Variants in AGBL4 observed in about 807,000 individuals in gnomAD.
The protein encoded by AGBL4 is AGBL carboxypeptidase 4.
A neutral mutation model predicts 66.4 loss-of-function variants in AGBL4; 58 were observed. The observed-to-expected ratio is 0.87, with a 90% CI of 0.71 to 1.09. AGBL4 has a LOEUF of 1.09. AGBL4 is among the 50% of genes least tolerant of loss of function. The pLI is 0.00. For missense variants in AGBL4, 579 were observed against 631.0 expected, an observed-to-expected ratio of 0.92 and a Z score of 0.88; for synonymous variants, 234 against 222.9, an observed-to-expected ratio of 1.05 and a Z score of -0.44.
At chr1:48,781,694 C>G (rs1645296251) in intron 6 of AGBL4, among the ~76,000 whole-genome samples, 1 of 152,132 alleles carries the variant, frequency 6.6e-6, no homozygotes, top group African/African-American at 2.4e-5. Context: ...TATACATTAC[C>G]AAGTGTTAGA....
At chr1:48,718,163 A>G (rs1647083325) in intron 6 of AGBL4, among the ~76,000 whole-genome samples, 1 of 152,214 alleles carries the variant, frequency 6.6e-6, no homozygotes. Flanking sequence ...CTTCCCTCCA[A>G]ATCTGGCCAT....
intron 9 of AGBL4, among the ~76,000 whole-genome samples, chr1:48,622,728 C>T (rs1645436763): frequency 1.3e-5 from 2 of 152,112 alleles, no homozygotes; most frequent in South Asian, 4.2e-4. Flanking sequence ...TGGTGATCCA[C>T]CCGCCTTGGC....
chr1:49,399,107 C>A (rs946533174), intron 3 of AGBL4, among the ~76,000 whole-genome samples: 1 of 152,136 alleles, frequency 6.6e-6, no homozygotes, highest in African/African-American at 2.4e-5. Context: ...GTTTGTCTTT[C>A]TGTGCCTGGC....
chr1:49,989,057 G>A (rs916355085), intron 1 of AGBL4, among the ~76,000 whole-genome samples: 7 of 152,174 alleles, frequency 4.6e-5, no homozygotes, highest in African/African-American at 1.7e-4. Flanking sequence ...ATGAGACTCA[G>A]TGAAGTTAGC....
At chr1:49,742,697 A>C (rs1214243043) in intron 2 of AGBL4, among the ~76,000 whole-genome samples, 6 of 152,240 alleles carry the variant, frequency 3.9e-5, no homozygotes, top group Non-Finnish European at 7.3e-5. Flanking sequence ...CTGGTACCAA[A>C]ACAGAGATAC....
chr1:49,652,087 A>G (rs529720833), intron 3 of AGBL4, among the ~76,000 whole-genome samples: 2,277 of 152,252 alleles, frequency 0.015, 27 homozygotes, highest in Non-Finnish European at 0.024. Flanking sequence ...ACCAAGCATA[A>G]GGAAGAATTT....
rs1396234662 is a variant in AGBL4 at position 49,613,611 on chromosome 1, T to C, written c.282+83702A>G. ...AGCTGCATGTGCAGGGGATCTAGGTTATGAGAATCTAATGCCTTATGAGAA... is the reference window on the plus strand; with the variant it reads ...AGCTGCATGTGCAGGGGATCTAGGTCATGAGAATCTAATGCCTTATGAGAA... On this transcript the variant is annotated intron_variant, in intron 3 of 13. Coordinates refer to ENST00000371839, the MANE Select transcript of AGBL4 (RefSeq NM_032785.4). 3.3e-5 allele frequency among the ~76,000 whole-genome samples: 5 copies of C among 152,160 alleles called. No homozygotes were observed. The East Asian group carries it at 7.7e-4, about 23-fold the overall frequency.
At position 49,096,031 on chromosome 1, in the gene AGBL4, T is replaced by C. The variant is rs1248554465; in HGVS notation, c.378-50231A>G. 7.9e-5 allele frequency among the ~76,000 whole-genome samples: 12 copies of C among 151,078 alleles called. No homozygotes were observed. In the East Asian group the frequency reaches 1.4e-3, roughly 17 times the overall value. On this transcript the variant is annotated intron_variant, in intron 4 of 13. Transcript: ENST00000371839. ...ACCCCATCAAAAAGTGGGCAAAGGA[T>C]ATGAACAGACACTTCTCAAAAGAAG...
At chr1:49,472,862 C>G (rs1646772819) in intron 3 of AGBL4, among the ~76,000 whole-genome samples, 1 of 151,906 alleles carries the variant, frequency 6.6e-6, no homozygotes, top group Non-Finnish European at 1.5e-5. Context: ...TTGTTCCCAT[C>G]TTTGTGTCCA....
At position 50,000,440 on chromosome 1, in the gene AGBL4, T is replaced by A. The variant is rs181083582; in HGVS notation, c.34+23323A>T. Among the ~76,000 whole-genome samples the A allele has an allele frequency of 2.1e-3, 323 of 152,294 alleles. 1 individual carries two copies. The highest frequency in any genetic ancestry group is 3.2e-3 in the Non-Finnish European group (217 of 68,014). ...AAATAATAAGATGTTGGCGTGGATG[T>A]GGTGAAAAGGGAACACTTTTACACT... On this transcript the variant is annotated intron_variant, in intron 1 of 13. Transcript: ENST00000371839.
rs562102756 is a variant in AGBL4 at position 48,552,126 on chromosome 1, C to T, written c.1268-12388G>A. Among the ~76,000 whole-genome samples the T allele has an allele frequency of 2.6e-4, 40 of 152,188 alleles. No homozygotes were observed. The East Asian group carries it at 6.2e-3, about 24-fold the overall frequency. ...TCGCTCAGGCTGGAGTGGAGTGGTGCGATCTCAGCTCACTGCAACCTCCGC... is the reference window on the plus strand; with the variant it reads ...TCGCTCAGGCTGGAGTGGAGTGGTGTGATCTCAGCTCACTGCAACCTCCGC... On this transcript the variant is annotated intron_variant, in intron 11 of 13. Coordinates refer to ENST00000371839, the MANE Select transcript of AGBL4 (RefSeq NM_032785.4).
rs1168396185 is a variant in AGBL4 at position 49,178,966 on chromosome 1, G to C, written c.377+66804C>G. On this transcript the variant is annotated intron_variant, in intron 4 of 13. Transcript: ENST00000371839. ...TATCAAAGCTGCATAGTTCCATCAA[G>C]ATGAAGGCAAATCTTGGATGTCAGA... 3.3e-5 allele frequency among the ~76,000 whole-genome samples: 5 copies of C among 152,300 alleles called. No homozygotes were observed. The East Asian group carries it at 9.6e-4, about 29-fold the overall frequency.
At chr1:49,532,572 G>A (rs760906846) in intron 3 of AGBL4, among the ~76,000 whole-genome samples, 1 of 151,976 alleles carries the variant, frequency 6.6e-6, no homozygotes, top group African/African-American at 2.4e-5. Context: ...TTATGCCTTT[G>A]TGTTACACTG....
chr1:49,914,763 T>G (rs1025430615), intron 1 of AGBL4, among the ~76,000 whole-genome samples: 1 of 152,128 alleles, frequency 6.6e-6, no homozygotes, highest in South Asian at 2.1e-4. Flanking sequence ...GGGTGATTTA[T>G]AAAGAAAAAG....
At chr1:49,952,227 C>G (rs1202996569) in intron 1 of AGBL4, among the ~76,000 whole-genome samples, 1 of 151,804 alleles carries the variant, frequency 6.6e-6, no homozygotes, top group African/African-American at 2.4e-5. Context: ...AAGCCTCATT[C>G]CAGAGACCAT....
At chr1:48,796,115 T>C (rs72890027) in intron 6 of AGBL4, among the ~76,000 whole-genome samples, 1,650 of 152,348 alleles carry the variant, frequency 0.011, 26 homozygotes, top group African/African-American at 0.037. Flanking sequence ...CCTCTACTTG[T>C]AACATTTTCC....
chr1:48,733,956 T>C (rs1442306170), intron 6 of AGBL4, among the ~76,000 whole-genome samples: 5 of 152,224 alleles, frequency 3.3e-5, no homozygotes, highest in Admixed American at 1.3e-4. Context: ...CATGTGATAA[T>C]GGCAGGAATA....
At chr1:49,453,450 A>G (rs1646322493) in intron 3 of AGBL4, among the ~76,000 whole-genome samples, 1 of 151,768 alleles carries the variant, frequency 6.6e-6, no homozygotes, top group South Asian at 2.1e-4. Context: ...ATTCCTAAAT[A>G]AGAGCCTCAG....
At chr1:49,516,040 TAA>T (rs897805800) in intron 3 of AGBL4, among the ~76,000 whole-genome samples, 32 of 135,412 alleles carry the variant, frequency 2.4e-4, no homozygotes, top group African/African-American at 8.4e-4. Context: ...AAGTATAATT[TAA>T]AAAAAAAAAA....
Sources: gnomAD v4.1 joint callset for allele counts (sites outside exome capture counted in the v4.1 genomes callset) on GRCh38, gnomAD v4.1.1 for gene constraint, MANE v1.5 for transcripts, NCBI Gene and HGNC (gene_info 2026-07-23, HGNC 2026-07-21) for gene names.